The following EFCAB5 variants were observed in gnomAD, a reference collection of about 807,000 sequenced individuals.
The protein encoded by EFCAB5 is EF-hand calcium binding domain 5.
Under a neutral mutation model 167.9 loss-of-function variants are expected in EFCAB5, and 131 were observed. The observed-to-expected ratio is 0.78, with a 90% CI of 0.68 to 0.90. The LOEUF (loss-of-function observed/expected upper bound fraction) is 0.90. Ranked by LOEUF, EFCAB5 falls within the 40% of genes least tolerant of loss-of-function variation. The pLI is 0.00. For synonymous variants in EFCAB5, 574 were observed against 602.8 expected, an observed-to-expected ratio of 0.95 and a Z score of 0.70; for missense variants, 1,663 against 1,745.2, an observed-to-expected ratio of 0.95 and a Z score of 0.84.
chr17:30,043,413 GA>G (rs1186189768), intron 8 of EFCAB5, among the ~76,000 whole-genome samples: 16 of 145,000 alleles, frequency 1.1e-4, no homozygotes, highest in East Asian at 4.0e-4. Context: ...ATAAAGCAAG[GA>G]AAAAAAAAAG....
At chr17:30,023,983 C>A (rs531974641) in intron 7 of EFCAB5, among the ~76,000 whole-genome samples, 54 of 152,186 alleles carry the variant, frequency 3.5e-4, no homozygotes, top group African/African-American at 1.1e-3. Flanking sequence ...ATTCAACAAC[C>A]CTTCATGCTA....
chr17:30,068,619 G>A, intron 14 of EFCAB5: 4 of 1,483,950 alleles, frequency 2.7e-6, no homozygotes, highest in Non-Finnish European at 3.6e-6. Context: ...GGCTGCCTGT[G>A]CGGGTCGCTA....
chr17:29,934,848 G>A (rs537572615), intron 1 of EFCAB5, among the ~76,000 whole-genome samples: 4 of 152,162 alleles, frequency 2.6e-5, no homozygotes, highest in African/African-American at 9.7e-5. Context: ...CTTGCCAGGA[G>A]TGAATTACCT....
chr17:30,034,374 G>T lies in EFCAB5; in HGVS notation c.1189G>T (p.Asp397Tyr). 1.3e-6 allele frequency: 2 copies of T among 1,599,622 alleles called. No individual in the cohort carries two copies. Among genetic ancestry groups the T allele is most frequent in the South Asian group, 2.2e-5 (2 of 89,702 alleles). The change falls in exon 8 of 23, where the codon GAC (aspartate) becomes TAC (tyrosine). Residue 397 changes from aspartate to tyrosine, a missense_variant. Physicochemically the swap from Asp to Tyr is radical, Grantham distance 160 (BLOSUM62 -3). Transcript: ENST00000394835. The part of the protein sequence containing the change: ...QMFAELFLHC[D>Y]HGKVGFLDRQ... ...GTTCGCTGAACTCTTCCTACATTGTGACCACGGGAAGGTGGGTTAAGACAT... is the reference window on the plus strand; with the variant it reads ...GTTCGCTGAACTCTTCCTACATTGTTACCACGGGAAGGTGGGTTAAGACAT...
chr17:30,036,593 C>A (rs947765270), intron 8 of EFCAB5, among the ~76,000 whole-genome samples: 3 of 151,524 alleles, frequency 2.0e-5, no homozygotes, highest in African/African-American at 7.3e-5. Context: ...CCATGCCTGG[C>A]TAATTTTTAA....
chr17:29,999,997 T>C, intron 7 of EFCAB5, 21 bp downstream of exon 7: 1 of 1,507,268 alleles, frequency 6.6e-7, no homozygotes, highest in Non-Finnish European at 9.0e-7. Flanking sequence ...CATTATTTAA[T>C]GTTTGAATTG....
chr17:30,080,562 T>C (rs948775859), intron 16 of EFCAB5, among the ~76,000 whole-genome samples, 191 bp from the exon 17 acceptor site: 8 of 151,542 alleles, frequency 5.3e-5, no homozygotes, highest in Admixed American at 3.9e-4. Context: ...TTTTTTTTTT[T>C]TTGTTTGTTT....
chr17:30,039,936 C>T (rs906882796), intron 8 of EFCAB5, among the ~76,000 whole-genome samples: 8 of 152,154 alleles, frequency 5.3e-5, no homozygotes, highest in Admixed American at 3.9e-4. Flanking sequence ...AGCAAAGTCT[C>T]AGTAGTAGAA....
At position 30,078,256 on chromosome 17, in the gene EFCAB5, G is replaced by A. The variant is rs767868545; in HGVS notation, c.2779G>A (p.Glu927Lys). 9.9e-6 allele frequency: 16 copies of A among 1,613,810 alleles called. No individual in the cohort carries two copies. Among genetic ancestry groups the A allele is most frequent in the East Asian group, 2.2e-5 (1 of 44,880 alleles). The change falls in exon 15 of 23, where the codon GAA becomes AAA. Residue 927 changes from glutamate (E) to lysine (K), a missense_variant. By Grantham distance (56) the Glu-to-Lys change is moderately conservative. Transcript: ENST00000394835. The stretch of plus-strand genomic sequence containing the variant: ...ATTTCCAAAGCCACACCCTGGTCAC[G>A]AAGTGAGATTGTCTTCAAAACAATT... ...IQFPKPHPGH[E>K]VRLSSKQFQN...
intron 6 of EFCAB5, among the ~76,000 whole-genome samples, chr17:29,996,945 G>A (rs2068556521): frequency 6.6e-6 from 1 of 151,968 alleles, no homozygotes; most frequent in Non-Finnish European, 1.5e-5. Context: ...ATATATACTA[G>A]GATTAAGACT....
At chr17:30,013,896 G>T (rs1240228623) in intron 7 of EFCAB5, among the ~76,000 whole-genome samples, 1 of 152,098 alleles carries the variant, frequency 6.6e-6, no homozygotes, top group African/African-American at 2.4e-5. Context: ...TGTGATGTTA[G>T]GGTGTCGATT....
intron 8 of EFCAB5, among the ~76,000 whole-genome samples, chr17:30,044,593 T>C (rs2069866927): frequency 6.6e-6 from 1 of 151,828 alleles, no homozygotes; most frequent in African/African-American, 2.4e-5. Context: ...AAAAAAAATC[T>C]GATATTCATT....
At chr17:30,050,972 T>C in intron 8 of EFCAB5, 146 bp from the exon 9 acceptor site, 2 of 668,814 alleles carry the variant, frequency 3.0e-6, no homozygotes, top group South Asian at 3.9e-5. Flanking sequence ...TATAACTTTC[T>C]TGATTTTGAT....
At chr17:30,077,566 T>C (rs1024063834) in intron 14 of EFCAB5, among the ~76,000 whole-genome samples, 1 of 152,074 alleles carries the variant, frequency 6.6e-6, no homozygotes, top group African/African-American at 2.4e-5. Context: ...GGTTTGGTAG[T>C]AGGTTCATGA....
At chr17:30,074,951 G>A (rs1218106274) in intron 14 of EFCAB5, among the ~76,000 whole-genome samples, 1 of 152,018 alleles carries the variant, frequency 6.6e-6, no homozygotes. Context: ...GTGTGTGTGT[G>A]CGTGCATGCC....
chr17:30,043,939 A>T (rs1246811254), intron 8 of EFCAB5, among the ~76,000 whole-genome samples: 1 of 152,202 alleles, frequency 6.6e-6, no homozygotes, highest in Non-Finnish European at 1.5e-5. Context: ...CAAAAAATAG[A>T]CATCACCAAA....
At chr17:30,041,294 A>G (rs1395425945) in intron 8 of EFCAB5, among the ~76,000 whole-genome samples, 1 of 152,218 alleles carries the variant, frequency 6.6e-6, no homozygotes, top group Non-Finnish European at 1.5e-5. Flanking sequence ...AGGTCAAAAT[A>G]TCAACATTAA....
chr17:29,951,361 G>T (rs998460157), intron 3 of EFCAB5, among the ~76,000 whole-genome samples: 1 of 151,848 alleles, frequency 6.6e-6, no homozygotes, highest in African/African-American at 2.4e-5. Context: ...GTTTTGAGAC[G>T]GAGTCTTTCT....
intron 20 of EFCAB5, 145 bp downstream of exon 20, chr17:30,090,819 T>G: frequency 8.4e-7 from 1 of 1,185,714 alleles, no homozygotes; most frequent in Non-Finnish European, 1.2e-6. Context: ...CCTTATGCAG[T>G]CTTGCGCTGA....
Sources: allele counts gnomAD v4.1 joint callset (sites outside exome capture counted in the v4.1 genomes callset), GRCh38; gene constraint gnomAD v4.1.1; transcripts MANE v1.5; gene names NCBI Gene and HGNC (gene_info 2026-07-23, HGNC 2026-07-21).